The following BCKDHB variants were observed in gnomAD, a reference collection of about 807,000 sequenced individuals.
BCKDHB encodes branched chain keto acid dehydrogenase E1 subunit beta.
In BCKDHB, 41 loss-of-function variants were observed where a neutral mutation model predicts 48.5. The observed-to-expected ratio is 0.85, with a 90% CI of 0.66 to 1.10. BCKDHB has a LOEUF of 1.10. BCKDHB is among the 50% of genes least tolerant of loss of function. BCKDHB has a pLI of 0.00. For missense variants in BCKDHB, 496 were observed against 494.2 expected (o/e 1.00, Z -0.03); for synonymous variants, 201 against 174.8 (o/e 1.15, Z -1.18).
the BCKDHB span, among the ~76,000 whole-genome samples, chr6:80,424,303 A>G: frequency 2.0e-5 from 3 of 152,160 alleles, no homozygotes; most frequent in African/African-American, 7.2e-5. Context: ...ATGCCTTTAA[A>G]CTTCAAAGCA....
rs944837686 is a variant in BCKDHB, at chr6:80,130,355, AT to A, written c.343+1135del. On this transcript the variant is annotated intron_variant, in intron 3 of 9. Transcript: ENST00000320393. ...GGCAAGAGGAGTGAGGGTCTTTAAA[AT>A]TTTTTTTTAAATTGTTGTCTCTTTT... 9.5e-4 allele frequency among the ~76,000 whole-genome samples: 144 copies of A among 151,828 alleles called. 1 individual carries two copies. Among genetic ancestry groups the A allele is most frequent in the African/African-American group, 3.3e-3 (135 of 41,440 alleles).
intron 8 of BCKDHB, among the ~76,000 whole-genome samples, chr6:80,228,877 G>A (rs554592809): frequency 4.5e-4 from 68 of 152,134 alleles, no homozygotes; most frequent in Non-Finnish European, 8.7e-4. Flanking sequence ...GCAGTGGAGA[G>A]ATCCAGTGTG....
At chr6:80,271,511 A>G (rs1777740279) in intron 8 of BCKDHB, among the ~76,000 whole-genome samples, 1 of 152,130 alleles carries the variant, frequency 6.6e-6, no homozygotes, top group Non-Finnish European at 1.5e-5. Flanking sequence ...GTTTGCTTTC[A>G]GGGATTATTC....
At chr6:80,321,911 A>G (rs1368155925) in intron 9 of BCKDHB, among the ~76,000 whole-genome samples, 1 of 152,154 alleles carries the variant, frequency 6.6e-6, no homozygotes, top group African/African-American at 2.4e-5. Flanking sequence ...GACTTCATAT[A>G]TGTATTGTAG....
Position 80,171,410 on chromosome 6 carries a change from T to A in BCKDHB, c.742+20T>A. The A allele has an allele frequency of 6.9e-7, 1 of 1,450,314 alleles. No homozygotes were observed. Among genetic ancestry groups the A allele is most frequent in the South Asian group, 1.2e-5 (1 of 84,162 alleles). 89.8% of individuals were successfully genotyped at this position (1,450,314 alleles called of 1,614,324 possible). A position where few individuals can be genotyped will look rare whatever the true frequency, so the allele number is the denominator to read the frequency against. On this transcript the variant is annotated intron_variant, in intron 6 of 9. Transcript: ENST00000320393. ...CAGCAGGTAAAGATTTTCTTTATTT[T>A]ATATTTGTGAATATCTTTATATACT...
the BCKDHB span, among the ~76,000 whole-genome samples, chr6:80,387,731 G>C: frequency 6.6e-6 from 1 of 152,356 alleles, no homozygotes; most frequent in East Asian, 1.9e-4. Flanking sequence ...GCAATATACT[G>C]TTACTGTCCT....
At chr6:80,140,850 T>C (rs1289735106) in intron 3 of BCKDHB, among the ~76,000 whole-genome samples, 1 of 152,222 alleles carries the variant, frequency 6.6e-6, no homozygotes, top group Non-Finnish European at 1.5e-5. Context: ...CCTCTTTTTC[T>C]ATTGATTGGA....
At chr6:80,134,658 G>A (rs1046758278) in intron 3 of BCKDHB, among the ~76,000 whole-genome samples, 62 of 151,886 alleles carry the variant, frequency 4.1e-4, no homozygotes, top group Non-Finnish European at 1.0e-4. Flanking sequence ...GAATATAGTT[G>A]TTATAGCATT....
intron 9 of BCKDHB, among the ~76,000 whole-genome samples, chr6:80,332,065 A>T (rs1159503): frequency 9.2e-5 from 14 of 151,706 alleles, no homozygotes; most frequent in Admixed American, 9.2e-4. Flanking sequence ...CTTCGCAGGG[A>T]TGACTGAAAT....
Position 80,169,022 on chromosome 6 carries a change from G to A in BCKDHB, c.625G>A (p.Gly209Arg), listed in dbSNP as rs1389512878. ...TGAAGCATTTTTTGCCCATTGCCCA[G>A]GAATCAAGGTATGTTCATTTATGTA... The part of the protein sequence containing the change: ...SPEAFFAHCP[G>R]IKVVIPRSPF... Residue 209 changes from glycine to arginine, a missense_variant, in exon 5 of 10, where the codon GGA becomes AGA. Transcript: ENST00000320393. The A allele has an allele frequency of 1.2e-6, 2 of 1,613,968 alleles. No homozygotes were observed. Among genetic ancestry groups the A allele is most frequent in the Non-Finnish European group, 1.7e-6 (2 of 1,179,890 alleles).
chr6:80,151,156 G>T (rs1771755170), intron 3 of BCKDHB, among the ~76,000 whole-genome samples: 1 of 152,096 alleles, frequency 6.6e-6, no homozygotes, highest in Admixed American at 6.6e-5. Flanking sequence ...TTAATGATCT[G>T]TACCAGTTAA....
chr6:80,145,402 G>A (rs1170116535), intron 3 of BCKDHB, among the ~76,000 whole-genome samples: 1 of 152,132 alleles, frequency 6.6e-6, no homozygotes, highest in African/African-American at 2.4e-5. Context: ...GAGTGCTTGA[G>A]GGGACTTTCC....
the BCKDHB span, chr6:80,374,352 GC>G: frequency 1.1e-6 from 1 of 884,692 alleles, no homozygotes; most frequent in South Asian, 1.3e-5. Context: ...CCACTGCTTG[GC>G]CTGGGCACAC....
intron 9 of BCKDHB, among the ~76,000 whole-genome samples, chr6:80,303,034 A>G (rs1421758078): frequency 6.6e-6 from 1 of 152,144 alleles, no homozygotes; most frequent in Non-Finnish European, 1.5e-5. Context: ...AAAAATACTG[A>G]TAAGACTTGA....
At chr6:80,136,569 C>T (rs1770896334) in intron 3 of BCKDHB, among the ~76,000 whole-genome samples, 1 of 151,732 alleles carries the variant, frequency 6.6e-6, no homozygotes, top group Non-Finnish European at 1.5e-5. Context: ...AAATATGGCT[C>T]TAAAGGTATA....
intron 1 of BCKDHB, among the ~76,000 whole-genome samples, chr6:80,117,714 T>G (rs866215434): frequency 2.0e-5 from 3 of 152,252 alleles, no homozygotes; most frequent in African/African-American, 7.2e-5. Flanking sequence ...TGCAGATAGC[T>G]AGCCCAGCCC....
chr6:80,332,950 G>T (rs1022978405), intron 9 of BCKDHB, among the ~76,000 whole-genome samples: 3 of 150,962 alleles, frequency 2.0e-5, no homozygotes, highest in Admixed American at 6.6e-5. Context: ...GTACAAATTC[G>T]TACGGAACCT....
At chr6:80,357,739 A>C in the BCKDHB span, among the ~76,000 whole-genome samples, 1 of 152,200 alleles carries the variant, frequency 6.6e-6, no homozygotes, top group East Asian at 1.9e-4. Context: ...GGCTGTGTCC[A>C]TACACTGTAC....
chr6:80,380,852 T>C, the BCKDHB span, among the ~76,000 whole-genome samples: 2 of 152,022 alleles, frequency 1.3e-5, no homozygotes, highest in Non-Finnish European at 2.9e-5. Context: ...AGATTTTTTG[T>C]TGCAAGAATA....
Sources: allele counts gnomAD v4.1 joint callset (sites outside exome capture counted in the v4.1 genomes callset), GRCh38; gene constraint gnomAD v4.1.1; transcripts MANE v1.5; gene names NCBI Gene and HGNC (gene_info 2026-07-23, HGNC 2026-07-21).